DARS1: variants seen among roughly 807,000 people sequenced by gnomAD.
The protein encoded by DARS1 is aspartate--tRNA ligase, cytoplasmic.
Under a neutral mutation model 68.8 loss-of-function variants are expected in DARS1, and 51 were observed. That is an observed-to-expected ratio of 0.74 (90% CI 0.59 to 0.94). The LOEUF is 0.94. DARS1 is among the 40% of genes least tolerant of loss of function. The probability of loss-of-function intolerance (pLI) is 0.00; values close to 1 mark genes in which losing one functional copy is unlikely to be tolerated. For synonymous variants in DARS1, 203 were observed against 190.4 expected (o/e 1.07, Z -0.55); for missense variants, 607 against 597.3 (o/e 1.02, Z -0.17).
chr2:135,945,273 A>T (rs1233101009), intron 4 of DARS1, among the ~76,000 whole-genome samples: 1 of 152,036 alleles, frequency 6.6e-6, no homozygotes, highest in Non-Finnish European at 1.5e-5. Context: ...GATTACAGGC[A>T]TGTGCCACCA....
chr2:135,911,356 C>T (rs907933793), intron 14 of DARS1, 26 bp downstream of exon 14: 6 of 868,392 alleles, frequency 6.9e-6, no homozygotes, highest in African/African-American at 6.6e-5. Flanking sequence ...AATATACACT[C>T]CCCTAAATTA....
rs538000195 is a variant in DARS1, at chr2:135,966,137, C to G, written c.218-4639G>C. Among the ~76,000 whole-genome samples the G allele has an allele frequency of 3.3e-5, 5 of 151,024 alleles. No individual in the cohort carries two copies. The South Asian group carries it at 1.0e-3, about 32-fold the overall frequency. On this transcript the variant is annotated intron_variant, in intron 3 of 15. Transcript: ENST00000264161. ...TAAAAAACAAAAAATATGGTCATGT[C>G]TGTATGTATATTTTGTCTGTCTGTA...
intron 5 of DARS1, among the ~76,000 whole-genome samples, chr2:135,942,687 TA>T (rs1681630131): frequency 6.6e-6 from 1 of 151,820 alleles, no homozygotes. Context: ...AACTGAAAAA[TA>T]AAATAAAATA....
intron 11 of DARS1, 126 bp downstream of exon 11, chr2:135,916,100 C>A: frequency 2.1e-6 from 1 of 474,304 alleles, no homozygotes; most frequent in Non-Finnish European, 3.8e-6. Context: ...ATCACAAAGA[C>A]AACTTGGAGG....
At position 135,924,769 on chromosome 2, in the gene DARS1, TTTC is replaced by T. The variant is rs1284798106; in HGVS notation, c.565-274_565-272del. Among the ~76,000 whole-genome samples the T allele has an allele frequency of 2.0e-5, 3 of 152,194 alleles. No individual in the cohort carries two copies. In the East Asian group the frequency reaches 5.8e-4, roughly 29 times the overall value. On this transcript the variant is annotated intron_variant, in intron 7 of 15. Transcript: ENST00000264161. Reference sequence around the variant, plus strand: ...GTAGGAATTCCATAAAAGAAAAATGTTTCTTAACAATTAGTGAAACAACTTACT... The same window carrying T: ...GTAGGAATTCCATAAAAGAAAAATGTTTAACAATTAGTGAAACAACTTACT...
intron 3 of DARS1, among the ~76,000 whole-genome samples, chr2:135,966,612 A>ACCTCTGCCT (rs1179164726): frequency 2.0e-5 from 3 of 152,160 alleles, no homozygotes; most frequent in Non-Finnish European, 4.4e-5. Context: ...GATGACTGCA[A>ACCTCTGCCT]CCTCTGCCTC....
At chr2:135,974,148 A>G (rs1050732775) in intron 3 of DARS1, among the ~76,000 whole-genome samples, 31 of 152,242 alleles carry the variant, frequency 2.0e-4, no homozygotes, top group African/African-American at 7.5e-4. Flanking sequence ...GCTTATTTAC[A>G]GTATGAGAGC....
intron 15 of DARS1, 35 bp from the exon 16 acceptor site, chr2:135,907,442 T>C: frequency 6.9e-7 from 1 of 1,445,948 alleles, no homozygotes; most frequent in South Asian, 1.2e-5. Context: ...AATTCCTTTT[T>C]GAAAATCTCT....
intron 6 of DARS1, 86 bp downstream of exon 6, chr2:135,933,824 C>G (rs888704511): frequency 5.7e-6 from 8 of 1,405,468 alleles, no homozygotes; most frequent in Non-Finnish European, 5.6e-6. Context: ...AATCAATTCA[C>G]AGACACCCTT....
chr2:135,964,423 A>AG (rs1305318981), intron 3 of DARS1, among the ~76,000 whole-genome samples: 1 of 152,210 alleles, frequency 6.6e-6, no homozygotes, highest in African/African-American at 2.4e-5. Context: ...ATTTTGGCCA[A>AG]GTTCAAAATT....
At chr2:135,917,337 T>C (rs188532012) in intron 10 of DARS1, among the ~76,000 whole-genome samples, 34 of 152,298 alleles carry the variant, frequency 2.2e-4, no homozygotes, top group African/African-American at 2.4e-4. Context: ...CATTAGACTA[T>C]TGCACATCCT....
At chr2:135,922,945 T>C in intron 8 of DARS1, 27 bp from the exon 9 acceptor site, 1 of 1,483,848 alleles carries the variant, frequency 6.7e-7, no homozygotes, top group South Asian at 1.5e-5. Context: ...TATATTTATA[T>C]TATTATAATC....
intron 4 of DARS1, among the ~76,000 whole-genome samples, chr2:135,960,568 T>C (rs907632599): frequency 1.3e-5 from 2 of 152,226 alleles, no homozygotes; most frequent in African/African-American, 4.8e-5. Flanking sequence ...TCTGATTGAA[T>C]TCTTTCTTTT....
intron 3 of DARS1, among the ~76,000 whole-genome samples, chr2:135,967,148 C>G (rs1333751371): frequency 2.6e-5 from 4 of 152,144 alleles, no homozygotes; most frequent in Non-Finnish European, 5.9e-5. Context: ...GCTTGCTAAG[C>G]CCCCTGGATT....
intron 7 of DARS1, among the ~76,000 whole-genome samples, chr2:135,926,080 C>T (rs1485784681): frequency 3.9e-5 from 6 of 152,004 alleles, no homozygotes; most frequent in South Asian, 2.1e-4. Context: ...TAGTAGAGAC[C>T]GGGTTTCACC....
At chr2:135,947,291 C>T (rs1444406375) in intron 4 of DARS1, among the ~76,000 whole-genome samples, 2 of 151,702 alleles carry the variant, frequency 1.3e-5, no homozygotes, top group Admixed American at 6.6e-5. Flanking sequence ...CCCTGTAGCC[C>T]CAGCTACTCT....
At position 135,931,655 on chromosome 2, in the gene DARS1, C is replaced by T. The variant is rs139924240; in HGVS notation, c.564+1128G>A. On this transcript the variant is annotated intron_variant, in intron 7 of 15. Transcript: ENST00000264161. ...TTAAGCATGTGAACGCTTGCAAGGGCCAAATAACATGAATGAATGAAATGA... is the reference window on the plus strand; with the variant it reads ...TTAAGCATGTGAACGCTTGCAAGGGTCAAATAACATGAATGAATGAAATGA... Among the ~76,000 whole-genome samples the T allele has an allele frequency of 4.0e-5, 6 of 151,852 alleles. No homozygotes were observed. The East Asian group carries it at 1.2e-3, about 29-fold the overall frequency.
chr2:135,965,697 A>G (rs1436101461), intron 3 of DARS1, among the ~76,000 whole-genome samples: 3 of 152,168 alleles, frequency 2.0e-5, no homozygotes, highest in Admixed American at 1.3e-4. Flanking sequence ...AGGCTTAAAA[A>G]CGTTATCTTT....
chr2:135,916,802 T>C (rs1435188871), intron 10 of DARS1, among the ~76,000 whole-genome samples: 1 of 152,200 alleles, frequency 6.6e-6, no homozygotes, highest in Non-Finnish European at 1.5e-5. Context: ...ATAATCTCTA[T>C]AGTACAATGC....
Sources: allele counts gnomAD v4.1 joint callset (sites outside exome capture counted in the v4.1 genomes callset), GRCh38; gene constraint gnomAD v4.1.1; transcripts MANE v1.5; gene names NCBI Gene and HGNC (gene_info 2026-07-23, HGNC 2026-07-21).